The following MBOAT1 variants were observed in gnomAD, a reference collection of about 807,000 sequenced individuals.
MBOAT1 encodes membrane-bound glycerophospholipid O-acyltransferase 1.
Under a neutral mutation model 64.4 loss-of-function variants are expected in MBOAT1, and 67 were observed. The ratio of observed to expected loss-of-function variants is 1.04; its 90% confidence interval spans 0.85 to 1.27. MBOAT1 has a LOEUF of 1.27. MBOAT1 is among the 50% of genes most tolerant of loss of function. The probability of loss-of-function intolerance (pLI) is 0.00; values close to 1 mark genes in which losing one functional copy is unlikely to be tolerated. For missense variants in MBOAT1, 563 were observed against 604.6 expected, an observed-to-expected ratio of 0.93 and a Z score of 0.72; for synonymous variants, 229 against 218.9, an observed-to-expected ratio of 1.05 and a Z score of -0.41.
intron 4 of MBOAT1, among the ~76,000 whole-genome samples, chr6:20,135,247 G>A (rs896052634): frequency 6.6e-6 from 1 of 151,994 alleles, no homozygotes; most frequent in Admixed American, 6.6e-5. Context: ...AAAATCTTAT[G>A]TTTCTTCTTG....
At chr6:20,112,372 C>CA (rs1760195545) in intron 11 of MBOAT1, among the ~76,000 whole-genome samples, 3 of 152,140 alleles carry the variant, frequency 2.0e-5, no homozygotes, top group African/African-American at 7.2e-5. Context: ...AAGCTAACTG[C>CA]GTTGGGCGTG....
At chr6:20,132,722 A>G (rs1293401391) in intron 4 of MBOAT1, among the ~76,000 whole-genome samples, 1 of 152,256 alleles carries the variant, frequency 6.6e-6, no homozygotes, top group Non-Finnish European at 1.5e-5. Context: ...AATGAATATC[A>G]TTAGAATTTA....
Position 20,100,757 on chromosome 6 carries a change from C to T in MBOAT1, c.*1529G>A, listed in dbSNP as rs1260724008. ...ATTCAATAAGAAATTAATTTTTTAT[C>T]GTTGGATTTGAATAAATTTTCTTCT... is the stretch of plus-strand genomic sequence containing the variant. On this transcript the variant is annotated 3_prime_UTR_variant, in exon 13 of 13. Coordinates refer to ENST00000324607, the MANE Select transcript of MBOAT1 (RefSeq NM_001080480.3). Among the ~76,000 whole-genome samples, 1 of 152,078 alleles carries T rather than the reference C, an allele frequency of 6.6e-6. No individual in the cohort carries two copies. Among genetic ancestry groups the T allele is most frequent in the Admixed American group, 6.5e-5 (1 of 15,272 alleles).
At chr6:20,111,870 A>ATATATATATACATATATATATACG (rs1491359464) in intron 11 of MBOAT1, among the ~76,000 whole-genome samples, 2 of 117,102 alleles carry the variant, frequency 1.7e-5, no homozygotes, top group Admixed American at 9.2e-5. Flanking sequence ...ATATATATAC[A>ATATATATATACATATATATATACG]TATATATATG....
chr6:20,151,644 T>G (rs1761496172), intron 2 of MBOAT1, among the ~76,000 whole-genome samples: 1 of 152,164 alleles, frequency 6.6e-6, no homozygotes, highest in Admixed American at 6.5e-5. Context: ...TCATCCTTTC[T>G]CAGATACTTG....
At chr6:20,124,851 A>G (rs978155512) in intron 7 of MBOAT1, among the ~76,000 whole-genome samples, 2 of 152,242 alleles carry the variant, frequency 1.3e-5, no homozygotes, top group Non-Finnish European at 2.9e-5. Flanking sequence ...AACTTCCATC[A>G]GCATATTCAA....
At chr6:20,122,171 A>T (rs186911473) in intron 8 of MBOAT1, among the ~76,000 whole-genome samples, 11 of 152,190 alleles carry the variant, frequency 7.2e-5, no homozygotes, top group East Asian at 3.9e-4. Context: ...ATCTCAAAAA[A>T]ATATATATAT....
chr6:20,176,418 G>A (rs559066545), intron 1 of MBOAT1, among the ~76,000 whole-genome samples: 2 of 152,170 alleles, frequency 1.3e-5, no homozygotes, highest in Non-Finnish European at 2.9e-5. Flanking sequence ...TCATGGCTAT[G>A]AGCACAGGAT....
chr6:20,115,334 T>C lies in MBOAT1; in HGVS notation c.1030A>G (p.Met344Val), dbSNP rs529680072. 29 of 1,613,184 alleles carry C rather than the reference T, an allele frequency of 1.8e-5. No homozygotes were observed. In the East Asian group the frequency reaches 6.0e-4, roughly 34 times the overall value. Residue 344 changes from methionine (M) to valine (V), a missense_variant, in exon 10 of 13, where the codon ATG (methionine) becomes GTG (valine). By Grantham distance (21) the Met-to-Val change is conservative. Transcript: ENST00000324607. Reference sequence around the variant, plus strand: ...TGAATATTCCAGTTTTCCAAGTACATTTTGAAACTTGTGGCAGTCTGGAAA... The same window carrying C: ...TGAATATTCCAGTTTTCCAAGTACACTTTGAAACTTGTGGCAGTCTGGAAA... ...WKIETATSFK[M>V]YLENWNIQTA... is the part of the protein sequence containing the mutation.
At chr6:20,166,507 C>A (rs765120095) in intron 1 of MBOAT1, among the ~76,000 whole-genome samples, 8 of 152,128 alleles carry the variant, frequency 5.3e-5, no homozygotes, top group Admixed American at 1.3e-4. Flanking sequence ...TCTTTGGGAG[C>A]CAGCATGCCT....
intron 4 of MBOAT1, among the ~76,000 whole-genome samples, chr6:20,135,996 T>G (rs950058130): frequency 4.6e-5 from 7 of 152,176 alleles, no homozygotes; most frequent in Non-Finnish European, 7.3e-5. Flanking sequence ...AAGCAGCATT[T>G]CCTCACCTCT....
At chr6:20,121,822 T>TAC (rs57033694) in intron 8 of MBOAT1, among the ~76,000 whole-genome samples, 2,139 of 151,434 alleles carry the variant, frequency 0.014, 55 homozygotes, top group African/African-American at 0.046. Context: ...CTCTGTCCCC[T>TAC]ACACACACAC....
chr6:20,169,995 CA>C (rs1282742206), intron 1 of MBOAT1, among the ~76,000 whole-genome samples: 5 of 152,216 alleles, frequency 3.3e-5, no homozygotes, highest in Non-Finnish European at 5.9e-5. Context: ...GATCTCTTGG[CA>C]GCCTCTGACA....
Position 20,169,307 on chromosome 6 carries a change from A to T in MBOAT1, c.100-16538T>A, listed in dbSNP as rs555108610. ...AAAGTCTCAAAACAAAATTAATTTTAATTTGGTTTAATTTGAAAATAAAAC... is the reference window on the plus strand; with the variant it reads ...AAAGTCTCAAAACAAAATTAATTTTTATTTGGTTTAATTTGAAAATAAAAC... On this transcript the variant is annotated intron_variant, in intron 1 of 12. Transcript: ENST00000324607. 2.2e-4 allele frequency among the ~76,000 whole-genome samples: 33 copies of T among 152,344 alleles called. 1 individual carries two copies. In the South Asian group the frequency reaches 6.2e-3, roughly 29 times the overall value.
chr6:20,139,914 G>A (rs1761121373), intron 4 of MBOAT1, among the ~76,000 whole-genome samples: 1 of 152,038 alleles, frequency 6.6e-6, no homozygotes, highest in Non-Finnish European at 1.5e-5. Flanking sequence ...GTCTTTGCTC[G>A]CTTCTGTCTC....
intron 1 of MBOAT1, among the ~76,000 whole-genome samples, chr6:20,179,901 C>T (rs1378616340): frequency 1.4e-5 from 2 of 144,958 alleles, no homozygotes; most frequent in African/African-American, 2.6e-5. Flanking sequence ...GTGCATTTCT[C>T]GAAAGATCAG....
intron 1 of MBOAT1, among the ~76,000 whole-genome samples, chr6:20,204,828 G>A (rs766263181): frequency 5.9e-5 from 9 of 152,214 alleles, no homozygotes; most frequent in Non-Finnish European, 1.2e-4. Context: ...ACAGACCTGA[G>A]TTCGAGTCCT....
intron 1 of MBOAT1, among the ~76,000 whole-genome samples, chr6:20,168,565 AAGAGAGAGAGAGAAAGAG>A (rs141190537): frequency 1.8e-3 from 192 of 107,918 alleles, no homozygotes; most frequent in Non-Finnish European, 2.9e-3. Context: ...GAGAAAGAGA[AAGAGAGAGAGAGAAAGAG>A]AGAGAGGGAG....
chr6:20,141,056 T>TG (rs112611578), intron 4 of MBOAT1, among the ~76,000 whole-genome samples: 2 of 149,790 alleles, frequency 1.3e-5, no homozygotes, highest in Non-Finnish European at 3.0e-5. Flanking sequence ...GTACAGGGAG[T>TG]GGGGGGAGGG....
Sources: allele counts gnomAD v4.1 joint callset (sites outside exome capture counted in the v4.1 genomes callset), GRCh38; gene constraint gnomAD v4.1.1; transcripts MANE v1.5; gene names NCBI Gene and HGNC (gene_info 2026-07-23, HGNC 2026-07-21).